The following PRDM5 variants were observed in gnomAD, a reference collection of about 807,000 sequenced individuals.
PRDM5 encodes the protein PR/SET domain 5, also known as PR domain zinc finger protein 5.
In PRDM5, 56 loss-of-function variants were observed where a neutral mutation model predicts 81.2. The observed-to-expected ratio is 0.69, with a 90% confidence interval of 0.56 to 0.86. The LOEUF (loss-of-function observed/expected upper bound fraction) is 0.86, where lower values mean the gene tolerates loss of function less well. PRDM5 is among the 40% of genes least tolerant of loss of function. The pLI is 0.00. For missense variants in PRDM5, 697 were observed against 770.1 expected, an observed-to-expected ratio of 0.91 and a Z score of 1.12; for synonymous variants, 267 against 256.4, an observed-to-expected ratio of 1.04 and a Z score of -0.39.
Position 120,843,379 on chromosome 4 carries a change from G to C in PRDM5, c.300+10039C>G, listed in dbSNP as rs1484894478. 2.6e-5 allele frequency among the ~76,000 whole-genome samples: 4 copies of C among 151,650 alleles called. No individual in the cohort carries two copies. The South Asian group carries it at 6.3e-4, about 24-fold the overall frequency. On this transcript the variant is annotated intron_variant, in intron 3 of 15. Coordinates refer to ENST00000264808, the MANE Select transcript of PRDM5 (RefSeq NM_018699.4). ...TAATTTAATTTAATGCCAATGTCCT[G>C]CACAAGACTACCATAAATGAGCACA...
intron 13 of PRDM5, among the ~76,000 whole-genome samples, chr4:120,759,319 A>G (rs1745259636): frequency 6.6e-6 from 1 of 152,206 alleles, no homozygotes; most frequent in Admixed American, 6.5e-5. Flanking sequence ...TTTGAAAACT[A>G]TAATGTGTAG....
At chr4:120,695,699 A>G (rs1220431243) in intron 15 of PRDM5, among the ~76,000 whole-genome samples, 1 of 152,120 alleles carries the variant, frequency 6.6e-6, no homozygotes, top group Non-Finnish European at 1.5e-5. Flanking sequence ...ATTTCTTATT[A>G]TATACACTTT....
At chr4:120,810,493 T>C (rs1350242457) in intron 8 of PRDM5, 2 of 152,096 alleles carry the variant, frequency 1.3e-5, no homozygotes, top group Non-Finnish European at 2.9e-5. Flanking sequence ...AGCACCGAAA[T>C]TGGAATGTAA....
intron 3 of PRDM5, among the ~76,000 whole-genome samples, chr4:120,822,171 G>C (rs1449170575): frequency 6.6e-6 from 1 of 152,186 alleles, no homozygotes; most frequent in Non-Finnish European, 1.5e-5. Flanking sequence ...GCTGGGCCTT[G>C]GGCCAATCAC....
At chr4:120,782,446 AAAGG>A (rs911096619) in intron 11 of PRDM5, among the ~76,000 whole-genome samples, 7 of 152,112 alleles carry the variant, frequency 4.6e-5, no homozygotes, top group African/African-American at 1.4e-4. Flanking sequence ...AGGAAGGAAG[AAAGG>A]AAGGAAGGGA....
At chr4:120,729,634 AACT>A (rs1343395713) in intron 14 of PRDM5, among the ~76,000 whole-genome samples, 1 of 152,208 alleles carries the variant, frequency 6.6e-6, no homozygotes, top group Non-Finnish European at 1.5e-5. Flanking sequence ...GATAAAAAGA[AACT>A]ACAATACAAG....
At chr4:120,790,852 A>G (rs1578745774) in intron 10 of PRDM5, among the ~76,000 whole-genome samples, 1 of 152,264 alleles carries the variant, frequency 6.6e-6, no homozygotes, top group East Asian at 1.9e-4. Context: ...GCTGAGGTGG[A>G]AGACTGCTTG....
intron 9 of PRDM5, among the ~76,000 whole-genome samples, 169 bp downstream of exon 9, chr4:120,799,492 A>C (rs755770873): frequency 6.6e-5 from 10 of 152,208 alleles, no homozygotes; most frequent in Non-Finnish European, 1.2e-4. Flanking sequence ...CTGTAAATAA[A>C]CTGAGGACTA....
chr4:120,704,097 T>C (rs557223142), intron 15 of PRDM5, among the ~76,000 whole-genome samples: 4 of 152,134 alleles, frequency 2.6e-5, no homozygotes, highest in African/African-American at 7.2e-5. Context: ...GCTGAAATCA[T>C]TGATAATGGG....
chr4:120,862,963 AG>A (rs1228804443), intron 2 of PRDM5, among the ~76,000 whole-genome samples: 1 of 151,768 alleles, frequency 6.6e-6, no homozygotes, highest in Non-Finnish European at 1.5e-5. Flanking sequence ...GTTCGAGACC[AG>A]CCTGTACAAC....
chr4:120,777,041 T>C, intron 13 of PRDM5, 147 bp downstream of exon 13: 1 of 1,436,542 alleles, frequency 7.0e-7, no homozygotes, highest in Non-Finnish European at 9.2e-7. Context: ...ATGAAAAAAC[T>C]GGGTTGTACA....
chr4:120,907,115 A>G (rs1765890795), intron 2 of PRDM5, among the ~76,000 whole-genome samples: 1 of 151,852 alleles, frequency 6.6e-6, no homozygotes, highest in Admixed American at 6.6e-5. Flanking sequence ...CGGGTAGATC[A>G]CCTGAGGTCA....
chr4:120,854,725 C>T (rs1759674263), intron 2 of PRDM5, among the ~76,000 whole-genome samples: 1 of 151,918 alleles, frequency 6.6e-6, no homozygotes, highest in Admixed American at 6.6e-5. Flanking sequence ...ACAACTAAAA[C>T]AGAGCAGGAG....
At chr4:120,902,705 A>C (rs1765351888) in intron 2 of PRDM5, among the ~76,000 whole-genome samples, 1 of 152,202 alleles carries the variant, frequency 6.6e-6, no homozygotes, top group Non-Finnish European at 1.5e-5. Context: ...TGAGGTGATC[A>C]AGAAGGATTA....
intron 2 of PRDM5, among the ~76,000 whole-genome samples, chr4:120,905,245 A>G (rs1464293695): frequency 6.6e-6 from 1 of 151,878 alleles, no homozygotes; most frequent in Non-Finnish European, 1.5e-5. Context: ...AGTCACCTCC[A>G]CTCCTCACCC....
At chr4:120,852,715 A>T (rs1759412117) in intron 3 of PRDM5, among the ~76,000 whole-genome samples, 1 of 151,400 alleles carries the variant, frequency 6.6e-6, no homozygotes, top group East Asian at 1.9e-4. Flanking sequence ...ATATACACAC[A>T]TATACAAATA....
intron 1 of PRDM5, among the ~76,000 whole-genome samples, chr4:120,917,950 C>T (rs936340616): frequency 2.6e-5 from 4 of 152,124 alleles, no homozygotes; most frequent in Admixed American, 2.0e-4. Flanking sequence ...CTCAACATCA[C>T]CTCTCTCATC....
At position 120,755,128 on chromosome 4, in the gene PRDM5, T is replaced by C. The variant is rs201472978; in HGVS notation, c.1538-490A>G. On this transcript the variant is annotated intron_variant, in intron 13 of 15. Coordinates refer to ENST00000264808, the MANE Select transcript of PRDM5 (RefSeq NM_018699.4). The stretch of plus-strand genomic sequence containing the variant: ...AAAAGAATTTCATAAAATTGGTATA[T>C]GTTCAAAAGGACCATTGGTAGTTAA... Among the ~76,000 whole-genome samples the C allele has an allele frequency of 3.0e-4, 45 of 152,350 alleles. No homozygotes were observed. The East Asian group carries it at 5.6e-3, about 19-fold the overall frequency.
At chr4:120,906,176 G>A (rs373354298) in intron 2 of PRDM5, among the ~76,000 whole-genome samples, 25 of 152,008 alleles carry the variant, frequency 1.6e-4, no homozygotes, top group East Asian at 1.4e-3. Flanking sequence ...TTGCTATGTC[G>A]CTCTGGCTGG....
Sources: gnomAD v4.1 joint callset for allele counts (sites outside exome capture counted in the v4.1 genomes callset) on GRCh38, gnomAD v4.1.1 for gene constraint, MANE v1.5 for transcripts, NCBI Gene and HGNC (gene_info 2026-07-23, HGNC 2026-07-21) for gene names.